The following HMCN1 variants were observed in gnomAD, a reference collection of about 807,000 sequenced individuals.
The protein encoded by HMCN1 is hemicentin 1.
In HMCN1, 321 loss-of-function variants were observed where a neutral mutation model predicts 625.9. The ratio of observed to expected loss-of-function variants is 0.51; its 90% CI spans 0.47 to 0.56. The LOEUF (loss-of-function observed/expected upper bound fraction) is 0.56, where lower values mean the gene tolerates loss of function less well. HMCN1 is among the 20% of genes least tolerant of loss of function. HMCN1 has a pLI of 0.00. For synonymous variants in HMCN1, 2,425 were observed against 2,417.6 expected (o/e 1.00, Z -0.09); for missense variants, 6,588 against 6,887.3 (o/e 0.96, Z 1.54).
At chr1:186,114,261 TTTA>T (rs1329075774) in intron 73 of HMCN1, 138 bp downstream of exon 73, 1 of 964,956 alleles carries the variant, frequency 1.0e-6, no homozygotes, top group African/African-American at 1.6e-5. Flanking sequence ...AATTTAGTAT[TTTA>T]TTATTTTTCT....
chr1:185,922,565 G>A (rs2102475482), intron 7 of HMCN1, 66 bp downstream of exon 7: 2 of 1,413,068 alleles, frequency 1.4e-6, no homozygotes, highest in African/African-American at 1.4e-5. Flanking sequence ...TTCTCAGACT[G>A]TCTATAATTT....
intron 49 of HMCN1, 72 bp from the exon 50 acceptor site, chr1:186,067,762 A>G: frequency 9.9e-7 from 1 of 1,012,686 alleles, no homozygotes. Context: ...AATACATATA[A>G]TGGAAATTTA....
chr1:185,962,745 T>TTA (rs1210344407), intron 12 of HMCN1, 86 bp downstream of exon 12: 1 of 813,704 alleles, frequency 1.2e-6, no homozygotes, highest in Non-Finnish European at 2.2e-6. Flanking sequence ...ACCAAATCCC[T>TTA]AATATTAAGG....
chr1:186,038,240 A>G (rs1442888424), intron 37 of HMCN1, among the ~76,000 whole-genome samples: 1 of 152,180 alleles, frequency 6.6e-6, no homozygotes, highest in Non-Finnish European at 1.5e-5. Context: ...ATTTATTTAA[A>G]CAATGTAGAA....
At chr1:186,064,948 A>G (rs1571806957) in intron 48 of HMCN1, among the ~76,000 whole-genome samples, 1 of 152,242 alleles carries the variant, frequency 6.6e-6, no homozygotes, top group East Asian at 1.9e-4. Flanking sequence ...AATAGTATAA[A>G]TTTAGTTATT....
At chr1:185,930,630 A>G (rs1475042231) in intron 10 of HMCN1, among the ~76,000 whole-genome samples, 1 of 152,116 alleles carries the variant, frequency 6.6e-6, no homozygotes, top group Non-Finnish European at 1.5e-5. Flanking sequence ...TGTCGCCTCA[A>G]TTTTTGCCAG....
chr1:186,074,878 T>A lies in HMCN1; in HGVS notation c.8277T>A (p.Asp2759Glu), dbSNP rs778329536. 6 of 1,611,790 alleles carry A rather than the reference T, an allele frequency of 3.7e-6. No individual in the cohort carries two copies. Among genetic ancestry groups the A allele is most frequent in the Non-Finnish European group, 3.4e-6 (4 of 1,178,198 alleles). The change falls in exon 53 of 107, where the codon GAT (aspartate) becomes GAA (glutamate). Residue 2759 changes from aspartate (D) to glutamate (E), a missense_variant. Asp to Glu is a conservative substitution (Grantham distance 45). Transcript: ENST00000271588. ...NIAGEDELDF[D>E]VNIQVPPSFQ... ...CAGGTGAAGATGAGTTGGATTTTGA[T>A]GTGAATATTCAAGGTAATACTAATT... is the stretch of plus-strand genomic sequence containing the variant.
intron 11 of HMCN1, among the ~76,000 whole-genome samples, chr1:185,951,605 G>T (rs543137670): frequency 6.6e-6 from 1 of 151,164 alleles, no homozygotes; most frequent in Non-Finnish European, 1.5e-5. Context: ...CAGTCAGAGA[G>T]CCTTGGGCCA....
chr1:186,161,837 T>C (rs986646189), intron 97 of HMCN1, among the ~76,000 whole-genome samples: 3 of 152,228 alleles, frequency 2.0e-5, no homozygotes, highest in African/African-American at 7.2e-5. Context: ...AACCTTTCTC[T>C]CTGGCTGCCC....
chr1:186,164,989 A>G, intron 97 of HMCN1, 122 bp from the exon 98 acceptor site: 1 of 839,240 alleles, frequency 1.2e-6, no homozygotes, highest in East Asian at 2.5e-5. Context: ...ATTTTCACCT[A>G]TTGCATTTTT....
intron 97 of HMCN1, among the ~76,000 whole-genome samples, chr1:186,164,222 C>T (rs1651719558): frequency 2.0e-5 from 3 of 150,200 alleles, no homozygotes; most frequent in Middle Eastern, 3.2e-3. Context: ...TTTTTTGTTT[C>T]TGACATCTAA....
chr1:185,860,447 C>T (rs7521401), intron 2 of HMCN1, among the ~76,000 whole-genome samples: 4,162 of 152,150 alleles, frequency 0.027, 169 homozygotes, highest in African/African-American at 0.09. Context: ...TGGCTTCTGA[C>T]ATGTGTGAGT....
At chr1:185,885,317 A>G (rs1042695021) in intron 4 of HMCN1, among the ~76,000 whole-genome samples, 1 of 151,978 alleles carries the variant, frequency 6.6e-6, no homozygotes, top group Non-Finnish European at 1.5e-5. Context: ...TTGCTCATAT[A>G]AAGGCATACA....
At chr1:185,863,551 G>A (rs1663001918) in intron 2 of HMCN1, among the ~76,000 whole-genome samples, 1 of 152,142 alleles carries the variant, frequency 6.6e-6, no homozygotes, top group South Asian at 2.1e-4. Flanking sequence ...CAAACCTGTG[G>A]TTTTAAACAA....
chr1:186,119,334 G>A (rs530657616), intron 78 of HMCN1, 36 bp downstream of exon 78: 9 of 1,462,358 alleles, frequency 6.2e-6, no homozygotes, highest in Admixed American at 1.7e-5. Flanking sequence ...AAGTTCGCTG[G>A]GTTTGGGGAG....
intron 93 of HMCN1, among the ~76,000 whole-genome samples, chr1:186,146,451 A>G (rs1035740193): frequency 2.0e-5 from 3 of 152,184 alleles, no homozygotes; most frequent in Non-Finnish European, 4.4e-5. Flanking sequence ...GGATTCCAAG[A>G]AATGGTAGCT....
At chr1:185,964,089 AGT>A (rs1336583482) in intron 13 of HMCN1, among the ~76,000 whole-genome samples, 194 bp downstream of exon 13, 1 of 152,206 alleles carries the variant, frequency 6.6e-6, no homozygotes, top group African/African-American at 2.4e-5. Flanking sequence ...AAGCTTCATT[AGT>A]CAACAGAAAT....
chr1:186,134,107 G>A (rs937236119), intron 86 of HMCN1, among the ~76,000 whole-genome samples: 2 of 152,016 alleles, frequency 1.3e-5, no homozygotes, highest in African/African-American at 4.8e-5. Flanking sequence ...AGTAAGTGAG[G>A]CATATTAAAT....
At chr1:185,962,496 A>C (rs1345535187) in intron 11 of HMCN1, 22 bp from the exon 12 acceptor site, 1 of 1,606,494 alleles carries the variant, frequency 6.2e-7, no homozygotes, top group Non-Finnish European at 8.5e-7. Context: ...ATTTTTCTAC[A>C]TACGTATATT....
Sources: allele counts gnomAD v4.1 joint callset (sites outside exome capture counted in the v4.1 genomes callset), GRCh38; gene constraint gnomAD v4.1.1; transcripts MANE v1.5; gene names NCBI Gene and HGNC (gene_info 2026-07-23, HGNC 2026-07-21).